The following ACAT2 variants were observed in gnomAD, a reference collection of about 807,000 sequenced individuals.
ACAT2 encodes the protein acetyl-CoA acetyltransferase 2.
In ACAT2, 26 loss-of-function variants were observed where a neutral mutation model predicts 37.1. The ratio of observed to expected loss-of-function variants is 0.70; its 90% CI spans 0.51 to 0.97. The LOEUF (loss-of-function observed/expected upper bound fraction) is 0.97. Ranked by LOEUF, ACAT2 falls within the 50% of genes least tolerant of loss-of-function variation. ACAT2 has a pLI of 0.00. For missense variants in ACAT2, 468 were observed against 489.0 expected, an observed-to-expected ratio of 0.96 and a Z score of 0.40; for synonymous variants, 156 against 163.6, an observed-to-expected ratio of 0.95 and a Z score of 0.35.
At chr6:159,763,696 G>C (rs1780202196) in intron 2 of ACAT2, among the ~76,000 whole-genome samples, 1 of 126,164 alleles carries the variant, frequency 7.9e-6, no homozygotes, top group South Asian at 2.5e-4. Flanking sequence ...CTGGAGTGCA[G>C]TGGCGTGATC....
rs534790505 is a variant in ACAT2, at chr6:159,775,183, C to G, written c.504C>G (p.Ala168=). ...CHMGITAENV[A]KKWQVSREDQ... ...CTCCTTTCCCAGCTGAAAATGTAGC[C>G]AAAAAATGGCAAGTGAGTAGAGAAG... The change falls in exon 5 of 9, where the codon GCC becomes GCG. Residue 168 remains alanine, a synonymous_variant. Coordinates refer to ENST00000367048, the MANE Select transcript of ACAT2 (RefSeq NM_005891.3). 1.2e-6 allele frequency: 2 copies of G among 1,612,710 alleles called. No individual in the cohort carries two copies. Among genetic ancestry groups the G allele is most frequent in the East Asian group, 4.5e-5 (2 of 44,832 alleles).
At position 159,770,657 on chromosome 6, in the gene ACAT2, A is replaced by G. The variant is rs1006196325; in HGVS notation, c.490+2029A>G. ...TTAGACCTCATCTCTAAAAAAAAAG[A>G]AAAAAAAATTCTGAATGGCCTTAAC... On this transcript the variant is annotated intron_variant, in intron 4 of 8. Transcript: ENST00000367048. Among the ~76,000 whole-genome samples, 76 of 151,990 alleles carry G rather than the reference A, an allele frequency of 5.0e-4. 3 individuals are homozygous for G. The highest frequency in any genetic ancestry group is 1.8e-3 in the African/African-American group (73 of 41,418).
At chr6:159,778,513 G>T (rs1388059109) in intron 8 of ACAT2, 146 bp from the exon 9 acceptor site, 11 of 914,158 alleles carry the variant, frequency 1.2e-5, no homozygotes, top group Non-Finnish European at 1.8e-5. Context: ...TTTCACAAAG[G>T]TGTAAATTTA....
In ACAT2 at chr6:159,778,767, G is replaced by A. The variant is rs779163521; in HGVS notation, c.1132G>A (p.Gly378Ser). The A allele has an allele frequency of 1.9e-6, 3 of 1,614,224 alleles. No homozygotes were observed. The highest frequency in any genetic ancestry group is 2.5e-6 in the Non-Finnish European group (3 of 1,180,046). Residue 378 changes from glycine to serine, a missense_variant, in exon 9 of 9, where the codon GGT (glycine) becomes AGT (serine). Coordinates refer to ENST00000367048, the MANE Select transcript of ACAT2 (RefSeq NM_005891.3). ...HTLERMGRSRGVAALCIGGGM... is the reference protein window; with the variant it reads ...HTLERMGRSRSVAALCIGGGM... ...ACTGGAGAGAATGGGCAGAAGTCGT[G>A]GTGTTGCAGCCCTGTGCATTGGGGG...
intron 1 of ACAT2, 162 bp downstream of exon 1, chr6:159,762,304 C>G (rs986008960): frequency 1.6e-6 from 2 of 1,220,588 alleles, no homozygotes; most frequent in South Asian, 1.6e-5. Context: ...CTCCCGCGTT[C>G]CCTGACCTGG....
chr6:159,775,742 C>T (rs73585625), intron 5 of ACAT2: 8,067 of 200,140 alleles, frequency 0.04, 268 homozygotes, highest in African/African-American at 0.082. Context: ...TTTTCTAATA[C>T]AGAATGCTCC....
chr6:159,778,369 G>GT, intron 8 of ACAT2, 89 bp downstream of exon 8: 1 of 822,612 alleles, frequency 1.2e-6, no homozygotes, highest in Non-Finnish European at 1.8e-6. Context: ...GGCCATGTGG[G>GT]TAATAGTTAA....
chr6:159,778,687 T>G lies in ACAT2; in HGVS notation c.1052T>G (p.Leu351Trp), dbSNP rs200491242. The change falls in exon 9 of 9, where the codon TTG (leucine) becomes TGG (tryptophan). Residue 351 changes from leucine (L) to tryptophan (W), a missense_variant. By Grantham distance (61) the Leu-to-Trp change is moderately conservative. Transcript: ENST00000367048. ...KVNIEGGAIALGHPLGASGCR... is the reference protein window; with the variant it reads ...KVNIEGGAIAWGHPLGASGCR... ...AATATTGAAGGAGGGGCTATAGCCTTGGGCCACCCTCTTGGAGCATCTGGC... is the reference window on the plus strand; with the variant it reads ...AATATTGAAGGAGGGGCTATAGCCTGGGGCCACCCTCTTGGAGCATCTGGC... 68 of 1,614,114 alleles carry G rather than the reference T, an allele frequency of 4.2e-5. No individual in the cohort carries two copies. The highest frequency in any genetic ancestry group is 5.7e-5 in the Non-Finnish European group (67 of 1,180,032).
chr6:159,776,165 A>C lies in ACAT2; in HGVS notation c.650A>C (p.Lys217Thr). Reference sequence around the variant, plus strand: ...CTTTGCTTAGGTCTTATTGAAGTTAAAACAGATGAGTTTCCTCGCCATGGG... The same window carrying C: ...CTTTGCTTAGGTCTTATTGAAGTTACAACAGATGAGTTTCCTCGCCATGGG... ...VSTRKGLIEV[K>T]TDEFPRHGSN... Residue 217 changes from lysine (K) to threonine (T), a missense_variant, in exon 6 of 9, where the codon AAA becomes ACA. By Grantham distance (78) the Lys-to-Thr change is moderately conservative (BLOSUM62 -1). Coordinates refer to ENST00000367048, the MANE Select transcript of ACAT2 (RefSeq NM_005891.3). 1 of 1,614,058 alleles carries C rather than the reference A, an allele frequency of 6.2e-7. No homozygotes were observed. Among genetic ancestry groups the C allele is most frequent in the Non-Finnish European group, 8.5e-7 (1 of 1,179,954 alleles).
chr6:159,765,489 C>A (rs1011345835), intron 2 of ACAT2, among the ~76,000 whole-genome samples: 3 of 151,490 alleles, frequency 2.0e-5, no homozygotes, highest in Non-Finnish European at 4.4e-5. Flanking sequence ...TGGAGTGCAG[C>A]CGTACAATCT....
At chr6:159,776,962 A>G (rs1205777536) in intron 6 of ACAT2, among the ~76,000 whole-genome samples, 1 of 151,970 alleles carries the variant, frequency 6.6e-6, no homozygotes, top group African/African-American at 2.4e-5. Context: ...TGATTTTTCT[A>G]TTTTAAGTAG....
intron 6 of ACAT2, among the ~76,000 whole-genome samples, chr6:159,777,002 G>A (rs1204377024): frequency 6.6e-6 from 1 of 152,096 alleles, no homozygotes; most frequent in Non-Finnish European, 1.5e-5. Flanking sequence ...GGTCAGGCTG[G>A]TCTCAAACTC....
At chr6:159,771,713 C>T (rs773792096) in intron 4 of ACAT2, among the ~76,000 whole-genome samples, 20 of 151,580 alleles carry the variant, frequency 1.3e-4, no homozygotes, top group Admixed American at 4.6e-4. Context: ...AATGAATTGC[C>T]TGCACACCTA....
intron 2 of ACAT2, among the ~76,000 whole-genome samples, chr6:159,764,414 A>G (rs1226414888): frequency 6.6e-6 from 1 of 151,944 alleles, no homozygotes; most frequent in Non-Finnish European, 1.5e-5. Context: ...TTTGGGTTTG[A>G]ACACTCGTAA....
chr6:159,768,397 G>T, intron 3 of ACAT2, 114 bp from the exon 4 acceptor site: 1 of 766,716 alleles, frequency 1.3e-6, no homozygotes, highest in East Asian at 2.5e-5. Context: ...GGGGAGAAGG[G>T]CTGCAAAGGG....
intron 2 of ACAT2, among the ~76,000 whole-genome samples, chr6:159,764,224 G>A (rs1411003595): frequency 6.6e-6 from 1 of 152,094 alleles, no homozygotes. Flanking sequence ...CCTCCTATGT[G>A]CCCCATACTG....
At chr6:159,773,817 G>A (rs1448452321) in intron 4 of ACAT2, among the ~76,000 whole-genome samples, 2 of 152,178 alleles carry the variant, frequency 1.3e-5, no homozygotes, top group Non-Finnish European at 2.9e-5. Flanking sequence ...ATAAATAACT[G>A]AATAAATGGG....
At chr6:159,775,112 GCTAT>G in intron 4 of ACAT2, 54 bp from the exon 5 acceptor site, 1 of 1,586,318 alleles carries the variant, frequency 6.3e-7, no homozygotes, top group Non-Finnish European at 8.6e-7. Flanking sequence ...GACGACTTGA[GCTAT>G]CAAATGCCAG....
In ACAT2 at chr6:159,762,126, G is replaced by A; in HGVS notation, c.39G>A (p.Ala13=). 1 of 1,612,734 alleles carries A rather than the reference G, an allele frequency of 6.2e-7. No individual in the cohort carries two copies. The highest frequency in any genetic ancestry group is 1.1e-5 in the South Asian group (1 of 90,850). The change falls in exon 1 of 9, where the codon GCG becomes GCA. Residue 13 remains alanine, a synonymous_variant. Transcript: ENST00000367048. The part of the protein sequence containing the change: ...AGSDPVVIVS[A]ARTIIGSFNG... ...CAGATCCTGTGGTCATCGTCTCGGC[G>A]GCGCGGACCATCATAGGTGAGTGGC...
Sources: gnomAD v4.1 joint callset for allele counts (sites outside exome capture counted in the v4.1 genomes callset) on GRCh38, gnomAD v4.1.1 for gene constraint, MANE v1.5 for transcripts, NCBI Gene and HGNC (gene_info 2026-07-23, HGNC 2026-07-21) for gene names.